DLGAP1: variants seen among roughly 807,000 people sequenced by gnomAD.
DLGAP1 encodes DLG associated protein 1, also known as disks large-associated protein 1.
A neutral mutation model predicts 90.8 loss-of-function variants in DLGAP1; 11 were observed. The ratio of observed to expected loss-of-function variants is 0.12; its 90% CI spans 0.08 to 0.20. The LOEUF is 0.20. Ranked by LOEUF, DLGAP1 falls within the 10% of genes least tolerant of loss-of-function variation. The pLI, the probability that DLGAP1 is intolerant of heterozygous loss-of-function variation, is 1.00. For synonymous variants in DLGAP1, 558 were observed against 540.7 expected, an observed-to-expected ratio of 1.03 and a Z score of -0.44; for missense variants, 1,050 against 1,333.8, an observed-to-expected ratio of 0.79 and a Z score of 3.31.
rs769520996 is a variant in DLGAP1 at position 3,814,198 on chromosome 18, C to T, written c.1033G>A (p.Gly345Ser). ...DEIPCRRMRS[G>S]SYIKAMGDED... is the part of the protein sequence containing the mutation. ...TCCCCCATGGCCTTGATATAACTGC[C>T]ACTCCGCATTCTTCGGCATGGAATT... The change falls in exon 5 of 13, where the codon GGC becomes AGC. Residue 345 changes from glycine (G) to serine (S), a missense_variant. Gly to Ser is a moderately conservative substitution (Grantham distance 56). Transcript: ENST00000315677. The T allele has an allele frequency of 4.3e-6, 7 of 1,614,020 alleles. No homozygotes were observed. Among genetic ancestry groups the T allele is most frequent in the Admixed American group, 1.7e-5 (1 of 60,004 alleles).
At chr18:4,201,118 T>A (rs2144807336) in intron 1 of DLGAP1, among the ~76,000 whole-genome samples, 1 of 152,146 alleles carries the variant, frequency 6.6e-6, no homozygotes, top group Non-Finnish European at 1.5e-5. Context: ...GTTGACGACT[T>A]TTTTTTGTTG....
intron 1 of DLGAP1, among the ~76,000 whole-genome samples, chr18:4,385,885 A>G (rs542394748): frequency 3.2e-4 from 48 of 152,306 alleles, no homozygotes; most frequent in Middle Eastern, 3.4e-3. Context: ...TGTTGTTGAA[A>G]TCACTTTTGT....
intron 11 of DLGAP1, among the ~76,000 whole-genome samples, chr18:3,506,343 G>A (rs1301288645): frequency 6.6e-6 from 1 of 151,624 alleles, no homozygotes; most frequent in Non-Finnish European, 1.5e-5. Flanking sequence ...GAGAAACCCT[G>A]TCTCTACTAA....
At chr18:4,269,562 G>C (rs1031571325) in intron 1 of DLGAP1, among the ~76,000 whole-genome samples, 2 of 151,710 alleles carry the variant, frequency 1.3e-5, no homozygotes, top group Non-Finnish European at 2.9e-5. Flanking sequence ...CACCGTGTTA[G>C]CCAGGATGGT....
chr18:3,964,935 T>G lies in DLGAP1; in HGVS notation c.-73+40181A>C, dbSNP rs142179035. ...CTTGCATGCTTATAAAAGATTCTACTAAGAGACTTAGCCACAGTAGGAAAT... is the reference window on the plus strand; with the variant it reads ...CTTGCATGCTTATAAAAGATTCTACGAAGAGACTTAGCCACAGTAGGAAAT... On this transcript the variant is annotated intron_variant, in intron 3 of 12. Transcript: ENST00000315677. 2.1e-3 allele frequency among the ~76,000 whole-genome samples: 325 copies of G among 152,266 alleles called. 1 individual carries two copies. The highest frequency in any genetic ancestry group is 7.5e-3 in the African/African-American group (312 of 41,538).
chr18:3,855,991 T>C (rs1385479070), intron 4 of DLGAP1, among the ~76,000 whole-genome samples: 2 of 152,198 alleles, frequency 1.3e-5, no homozygotes, highest in East Asian at 1.9e-4. Flanking sequence ...AAGAATCGTC[T>C]ACAAAGCATG....
At chr18:3,953,316 AAC>A (rs929042066) in intron 3 of DLGAP1, among the ~76,000 whole-genome samples, 1 of 152,156 alleles carries the variant, frequency 6.6e-6, no homozygotes, top group Non-Finnish European at 1.5e-5. Context: ...GGTAATTTTC[AAC>A]ACTCAGTCCC....
At chr18:3,751,879 T>C (rs2063509437) in intron 5 of DLGAP1, among the ~76,000 whole-genome samples, 1 of 133,500 alleles carries the variant, frequency 7.5e-6, no homozygotes, top group East Asian at 2.3e-4. Context: ...TTCTTCTTCT[T>C]CTTCTTTTTT....
intron 2 of DLGAP1, among the ~76,000 whole-genome samples, chr18:4,009,145 C>T (rs1400026581): frequency 6.6e-6 from 1 of 152,112 alleles, no homozygotes; most frequent in Non-Finnish European, 1.5e-5. Context: ...CCTCGTGATC[C>T]ACCTGCCTCG....
In DLGAP1 at chr18:4,383,398, TTACA is replaced by T. The variant is rs1228859126; in HGVS notation, c.-267+71604_-267+71607del. ...TCATTAGCATTCATTTTCCTTTTCC[TTACA>T]TAATTAAATTTTGAAAATATAATCC... is the stretch of plus-strand genomic sequence containing the variant. On this transcript the variant is annotated intron_variant, in intron 1 of 12. Coordinates refer to ENST00000315677, the MANE Select transcript of DLGAP1 (RefSeq NM_004746.4). The surrounding 1 kb of genome is among the most constrained non-coding windows in gnomAD (Gnocchi z 4.0). Among the ~76,000 whole-genome samples, 1 of 152,110 alleles carries T rather than the reference TTACA, an allele frequency of 6.6e-6. No homozygotes were observed. The highest frequency in any genetic ancestry group is 1.5e-5 in the Non-Finnish European group (1 of 68,008).
chr18:4,101,426 T>C (rs1290646576), intron 2 of DLGAP1, among the ~76,000 whole-genome samples: 2 of 152,180 alleles, frequency 1.3e-5, no homozygotes, highest in Non-Finnish European at 2.9e-5. Flanking sequence ...CAAAGATCAC[T>C]GATCAAAGAT....
intron 3 of DLGAP1, among the ~76,000 whole-genome samples, chr18:3,940,230 A>G (rs1293560247): frequency 1.3e-5 from 2 of 152,174 alleles, no homozygotes; most frequent in Non-Finnish European, 2.9e-5. Context: ...TGAGTGCACC[A>G]TCTTGGAACC....
intron 4 of DLGAP1, among the ~76,000 whole-genome samples, chr18:3,821,505 T>G (rs1284580625): frequency 6.6e-6 from 1 of 152,086 alleles, no homozygotes; most frequent in Admixed American, 6.5e-5. Flanking sequence ...TAAAATAAAA[T>G]GTAACCATTC....
chr18:3,928,650 G>T, intron 3 of DLGAP1, among the ~76,000 whole-genome samples: 1 of 152,280 alleles, frequency 6.6e-6, no homozygotes, highest in Non-Finnish European at 1.5e-5. Context: ...TATAGAGGCA[G>T]AAATTGAGCC....
intron 2 of DLGAP1, among the ~76,000 whole-genome samples, chr18:4,144,440 C>G (rs371848110): frequency 3.9e-5 from 6 of 152,292 alleles, no homozygotes; most frequent in South Asian, 4.1e-4. Context: ...CTCCCTCCCC[C>G]CAGGCACACC....
At chr18:3,544,819 A>G (rs953840750) in intron 9 of DLGAP1, among the ~76,000 whole-genome samples, 2 of 151,688 alleles carry the variant, frequency 1.3e-5, no homozygotes, top group African/African-American at 4.8e-5. Context: ...GCTCACTGCA[A>G]CCTCTGCCTC....
chr18:3,548,895 G>A (rs942014986), intron 9 of DLGAP1, among the ~76,000 whole-genome samples: 1 of 152,120 alleles, frequency 6.6e-6, no homozygotes, highest in Admixed American at 6.5e-5. Flanking sequence ...AAATTAGCTG[G>A]GTGTGCTGGC....
intron 9 of DLGAP1, among the ~76,000 whole-genome samples, chr18:3,545,372 CAAAAGATGAAAAATAGGAAGAGATATGAA>C (rs2052954126): frequency 6.6e-6 from 1 of 151,844 alleles, no homozygotes; most frequent in Non-Finnish European, 1.5e-5. Context: ...AGTATTTCAT[CAAAAGATGAAAAATAGGAAGAGATATGAA>C]TAATAAATAC....
intron 1 of DLGAP1, among the ~76,000 whole-genome samples, chr18:4,314,136 G>A (rs918186225): frequency 4.6e-5 from 7 of 152,030 alleles, no homozygotes; most frequent in African/African-American, 1.7e-4. Flanking sequence ...TTGCATCTAG[G>A]AAAAAAACAA....
Sources: gnomAD v4.1 joint callset for allele counts (sites outside exome capture counted in the v4.1 genomes callset) on GRCh38, gnomAD v4.1.1 for gene constraint, Gnocchi (gnomAD v3.1) non-coding constraint, MANE v1.5 for transcripts, NCBI Gene and HGNC (gene_info 2026-07-23, HGNC 2026-07-21) for gene names.